RRP15: variants seen among roughly 807,000 people sequenced by gnomAD.
The protein encoded by RRP15 is RRP15-like protein.
A neutral mutation model predicts 27.1 loss-of-function variants in RRP15; 18 were observed. The ratio of observed to expected loss-of-function variants is 0.66; its 90% CI spans 0.46 to 0.98. RRP15 has a LOEUF of 0.98. Among genes scored for constraint, RRP15 ranks in the 50% least tolerant of loss-of-function variants. The probability of loss-of-function intolerance (pLI) is 0.00; values close to 1 mark genes in which losing one functional copy is unlikely to be tolerated. For synonymous variants in RRP15, 107 were observed against 109.4 expected, an observed-to-expected ratio of 0.98 and a Z score of 0.14; for missense variants, 359 against 337.8, an observed-to-expected ratio of 1.06 and a Z score of -0.49.
chr1:218,305,476 T>C (rs553131519), intron 3 of RRP15, among the ~76,000 whole-genome samples: 1 of 152,348 alleles, frequency 6.6e-6, no homozygotes, highest in South Asian at 2.1e-4. Flanking sequence ...CATAATACAT[T>C]ACACATTATA....
chr1:218,295,434 A>G (rs1189607254), intron 1 of RRP15, among the ~76,000 whole-genome samples: 1 of 152,208 alleles, frequency 6.6e-6, no homozygotes, highest in African/African-American at 2.4e-5. Flanking sequence ...ACTATAAAAC[A>G]ATAAGGAATA....
chr1:218,323,806 G>A (rs943729121), intron 4 of RRP15, among the ~76,000 whole-genome samples: 3 of 152,208 alleles, frequency 2.0e-5, no homozygotes, highest in South Asian at 2.1e-4. Flanking sequence ...CCCAGTGTGC[G>A]TATACCCAGC....
intron 2 of RRP15, 77 bp from the exon 3 acceptor site, chr1:218,304,949 TCA>T: frequency 7.7e-7 from 1 of 1,303,792 alleles, no homozygotes. Context: ...CTTCACCCTT[TCA>T]CAGAGTATCA....
chr1:218,288,927 C>G (rs959822557), intron 1 of RRP15, among the ~76,000 whole-genome samples: 27 of 152,134 alleles, frequency 1.8e-4, no homozygotes, highest in African/African-American at 5.8e-4. Context: ...CCTGTTCACT[C>G]AATTGTATAA....
intron 1 of RRP15, among the ~76,000 whole-genome samples, chr1:218,288,096 G>A (rs1655578478): frequency 1.3e-5 from 2 of 152,212 alleles, no homozygotes; most frequent in African/African-American, 4.8e-5. Context: ...AGGGCCTTGT[G>A]TATTTGTAGG....
chr1:218,323,132 T>G (rs2102513453), intron 4 of RRP15, among the ~76,000 whole-genome samples: 1 of 152,316 alleles, frequency 6.6e-6, no homozygotes. Flanking sequence ...CTCAGGGAGC[T>G]CCTAGGTCTG....
chr1:218,306,929 C>T (rs748046347), intron 3 of RRP15, among the ~76,000 whole-genome samples: 10 of 152,176 alleles, frequency 6.6e-5, no homozygotes, highest in Non-Finnish European at 1.3e-4. Context: ...TTCAAGTGCT[C>T]ACTAGCCACA....
At chr1:218,313,060 C>G (rs1656027747) in intron 4 of RRP15, among the ~76,000 whole-genome samples, 1 of 152,146 alleles carries the variant, frequency 6.6e-6, no homozygotes, top group African/African-American at 2.4e-5. Flanking sequence ...TTCTGTCTTT[C>G]TCTTTTGATT....
At chr1:218,308,356 G>A (rs1176099513) in intron 4 of RRP15, among the ~76,000 whole-genome samples, 1 of 151,902 alleles carries the variant, frequency 6.6e-6, no homozygotes, top group African/African-American at 2.4e-5. Flanking sequence ...CCAGGTGTGA[G>A]CCACCGAGCC....
Position 218,332,366 on chromosome 1 carries a change from A to G in RRP15, c.*1275A>G, listed in dbSNP as rs1410889588. ...TTAAAAAGAGGAAAGACTGTTTAAT[A>G]TCATTCCAAAATTTTTGTGAAATGT... On this transcript the variant is annotated 3_prime_UTR_variant, in exon 5 of 5. Coordinates refer to ENST00000366932, the MANE Select transcript of RRP15 (RefSeq NM_016052.4). 2 of 152,186 alleles carry G rather than the reference A, an allele frequency of 1.3e-5. No homozygotes were observed. Among genetic ancestry groups the G allele is most frequent in the Non-Finnish European group, 2.9e-5 (2 of 68,034 alleles). 9.4% of individuals were successfully genotyped at this position (152,186 alleles called of 1,614,324 possible).
At chr1:218,286,247 A>C (rs1655546993) in intron 1 of RRP15, among the ~76,000 whole-genome samples, 1 of 152,186 alleles carries the variant, frequency 6.6e-6, no homozygotes, top group Admixed American at 6.5e-5. Flanking sequence ...TATAATATCC[A>C]AAATCCTTAG....
intron 4 of RRP15, among the ~76,000 whole-genome samples, chr1:218,326,015 C>A (rs1656266113): frequency 2.0e-5 from 3 of 152,106 alleles, no homozygotes; most frequent in Admixed American, 6.5e-5. Context: ...TTTAAAATAG[C>A]AACTGTTGGC....
intron 3 of RRP15, 68 bp from the exon 4 acceptor site, chr1:218,307,363 C>T: frequency 7.4e-7 from 1 of 1,347,264 alleles, no homozygotes; most frequent in South Asian, 1.4e-5. Flanking sequence ...TACATTTTTC[C>T]TATCCTCAGA....
chr1:218,336,795 C>T lies in RRP15; in HGVS notation c.*5704C>T, dbSNP rs1656456725. 6.6e-6 allele frequency: 1 copy of T among 152,136 alleles called. No individual in the cohort carries two copies. Among genetic ancestry groups the T allele is most frequent in the African/African-American group, 2.4e-5 (1 of 41,420 alleles). The allele number at this position is 152,136 out of a possible 1,614,324, so 9.4% of individuals were successfully genotyped here. A position where few individuals can be genotyped will look rare whatever the true frequency, so the allele number is the denominator to read the frequency against. On this transcript the variant is annotated 3_prime_UTR_variant, in exon 5 of 5. Transcript: ENST00000366932. ...ATAAAAGCTCAAAGTCCAAAAGGTT[C>T]AATGTGATGATATCCTTCTCTACAA...
At chr1:218,323,616 A>G (rs925068007) in intron 4 of RRP15, among the ~76,000 whole-genome samples, 5 of 152,002 alleles carry the variant, frequency 3.3e-5, no homozygotes, top group Non-Finnish European at 7.4e-5. Context: ...TCCCCCTTCT[A>G]CCCAGAAGCC....
chr1:218,285,950 T>C (rs980498146), intron 1 of RRP15, among the ~76,000 whole-genome samples: 1 of 152,298 alleles, frequency 6.6e-6, no homozygotes, highest in South Asian at 2.1e-4. Flanking sequence ...AAACTGGTAG[T>C]GTTTGATAAC....
Position 218,331,011 on chromosome 1 carries a change from G to T in RRP15, c.769G>T (p.Ala257Ser), listed in dbSNP as rs756080085. Residue 257 changes from alanine (A) to serine (S), a missense_variant, in exon 5 of 5, where the codon GCA (alanine) becomes TCA (serine). Ala to Ser is a moderately conservative substitution (Grantham distance 99). Transcript: ENST00000366932. Reference protein sequence around the residue: ...TILRDDFMMGASMKDWDKESD... With the variant: ...TILRDDFMMGSSMKDWDKESD... ...CCTACGTGATGATTTCATGATGGGA[G>T]CATCTATGAAAGACTGGGACAAGGA... 1 of 1,613,470 alleles carries T rather than the reference G, an allele frequency of 6.2e-7. No homozygotes were observed.
chr1:218,290,661 G>T (rs574340578), intron 1 of RRP15, among the ~76,000 whole-genome samples: 1 of 152,216 alleles, frequency 6.6e-6, no homozygotes, highest in East Asian at 1.9e-4. Context: ...AAGAGATGAG[G>T]TTTTGCCATG....
chr1:218,332,356 A>T lies in RRP15; in HGVS notation c.*1265A>T, dbSNP rs1656385229. 1 of 152,200 alleles carries T rather than the reference A, an allele frequency of 6.6e-6. No homozygotes were observed. Among genetic ancestry groups the T allele is most frequent in the Non-Finnish European group, 1.5e-5 (1 of 68,026 alleles). The allele number at this position is 152,200 out of a possible 1,614,324, so 9.4% of individuals were successfully genotyped here. Reference sequence around the variant, plus strand: ...TATCCAGCTGTTAAAAAGAGGAAAGACTGTTTAATATCATTCCAAAATTTT... The same window carrying T: ...TATCCAGCTGTTAAAAAGAGGAAAGTCTGTTTAATATCATTCCAAAATTTT... On this transcript the variant is annotated 3_prime_UTR_variant, in exon 5 of 5. Coordinates refer to ENST00000366932, the MANE Select transcript of RRP15 (RefSeq NM_016052.4).
Sources: allele counts gnomAD v4.1 joint callset (sites outside exome capture counted in the v4.1 genomes callset), GRCh38; gene constraint gnomAD v4.1.1; transcripts MANE v1.5; gene names NCBI Gene and HGNC (gene_info 2026-07-23, HGNC 2026-07-21).